Variants in HS6ST3 observed in about 807,000 individuals in gnomAD.
HS6ST3 encodes the protein heparan-sulfate 6-O-sulfotransferase 3.
In HS6ST3, 12 loss-of-function variants were observed where a neutral mutation model predicts 36.7. The ratio of observed to expected loss-of-function variants is 0.33; its 90% CI spans 0.21 to 0.53. The LOEUF (loss-of-function observed/expected upper bound fraction) is 0.53, where lower values mean the gene tolerates loss of function less well. Ranked by LOEUF, HS6ST3 falls within the 20% of genes least tolerant of loss-of-function variation. The pLI, the probability that HS6ST3 is intolerant of heterozygous loss-of-function variation, is 0.95. For synonymous variants in HS6ST3, 240 were observed against 257.5 expected (o/e 0.93, Z 0.65); for missense variants, 584 against 640.9 (o/e 0.91, Z 0.96).
At chr13:96,423,638 A>G (rs1420465179) in intron 1 of HS6ST3, among the ~76,000 whole-genome samples, 1 of 151,766 alleles carries the variant, frequency 6.6e-6, no homozygotes, top group Non-Finnish European at 1.5e-5. Flanking sequence ...CTGTGGAAGG[A>G]GCCCGCCCCA....
chr13:96,355,140 A>G (rs1372147887), intron 1 of HS6ST3, among the ~76,000 whole-genome samples: 1 of 152,170 alleles, frequency 6.6e-6, no homozygotes, highest in Non-Finnish European at 1.5e-5. Flanking sequence ...AATAAAAAGT[A>G]AAAGCATGAT....
chr13:96,654,646 G>A (rs886623610), intron 1 of HS6ST3, among the ~76,000 whole-genome samples: 31 of 152,122 alleles, frequency 2.0e-4, no homozygotes, highest in Admixed American at 6.6e-5. Context: ...GTAGCGTGAT[G>A]CCTCCAGCTT....
intron 1 of HS6ST3, among the ~76,000 whole-genome samples, chr13:96,624,243 G>C (rs577058796): frequency 3.3e-4 from 50 of 152,010 alleles, no homozygotes; most frequent in Middle Eastern, 6.8e-3. Context: ...AATACCAATA[G>C]CTTAAAAGCC....
intron 1 of HS6ST3, among the ~76,000 whole-genome samples, chr13:96,479,328 A>G (rs2055879490): frequency 6.6e-6 from 1 of 152,226 alleles, no homozygotes; most frequent in African/African-American, 2.4e-5. Flanking sequence ...CTAGGACTGA[A>G]GCATAGAGAG....
intron 1 of HS6ST3, among the ~76,000 whole-genome samples, chr13:96,101,376 A>G (rs9562025): frequency 0.4 from 60,425 of 151,838 alleles, 12,236 homozygotes; most frequent in Middle Eastern, 0.44. Flanking sequence ...TCATTGTGTC[A>G]TGTTTGAAAC....
intron 1 of HS6ST3, among the ~76,000 whole-genome samples, chr13:96,662,501 G>A (rs191481258): frequency 2.7e-5 from 3 of 112,720 alleles, no homozygotes; most frequent in African/African-American, 3.6e-5. Flanking sequence ...TCATGTTTGT[G>A]TGTGTGTGTA....
intron 1 of HS6ST3, among the ~76,000 whole-genome samples, chr13:96,413,291 C>A (rs1392989619): frequency 1.3e-5 from 2 of 151,974 alleles, no homozygotes; most frequent in African/African-American, 4.8e-5. Flanking sequence ...AGTAACAGTA[C>A]CTTGAACACT....
chr13:96,496,523 A>G (rs551597223), intron 1 of HS6ST3, among the ~76,000 whole-genome samples: 1 of 152,208 alleles, frequency 6.6e-6, no homozygotes, highest in South Asian at 2.1e-4. Flanking sequence ...ACTACCTGAG[A>G]CCACCATGTC....
At chr13:96,192,601 GATATAT>G (rs5805955) in intron 1 of HS6ST3, among the ~76,000 whole-genome samples, 1 of 147,658 alleles carries the variant, frequency 6.8e-6, no homozygotes. Context: ...CCATGGGATG[GATATAT>G]ATATATATAT....
intron 1 of HS6ST3, among the ~76,000 whole-genome samples, chr13:96,487,562 T>C (rs1200069852): frequency 6.6e-6 from 1 of 152,118 alleles, no homozygotes. Flanking sequence ...TAATCTCAGG[T>C]TCATAACTAA....
At chr13:96,691,317 T>C (rs960212544) in intron 1 of HS6ST3, among the ~76,000 whole-genome samples, 2 of 152,114 alleles carry the variant, frequency 1.3e-5, no homozygotes, top group African/African-American at 4.8e-5. Context: ...TTAGCTTCAA[T>C]ATGTCCCTAG....
intron 1 of HS6ST3, among the ~76,000 whole-genome samples, chr13:96,695,453 T>C (rs1439550890): frequency 6.6e-6 from 1 of 152,188 alleles, no homozygotes; most frequent in Non-Finnish European, 1.5e-5. Flanking sequence ...TTATTGTTTT[T>C]GTCTCGCTGT....
intron 1 of HS6ST3, among the ~76,000 whole-genome samples, chr13:96,104,438 A>G (rs2139296590): frequency 6.6e-6 from 1 of 152,260 alleles, no homozygotes; most frequent in African/African-American, 2.4e-5. Context: ...AAACCCTAAG[A>G]TTCACACTGT....
At chr13:96,391,972 CT>C (rs2055398092) in intron 1 of HS6ST3, among the ~76,000 whole-genome samples, 1 of 152,180 alleles carries the variant, frequency 6.6e-6, no homozygotes, top group Non-Finnish European at 1.5e-5. Flanking sequence ...ATGTCTGTAA[CT>C]GGCAAGATGT....
At chr13:96,139,539 C>CAAA (rs2054018846) in intron 1 of HS6ST3, among the ~76,000 whole-genome samples, 1 of 10,730 alleles carries the variant, frequency 9.3e-5, no homozygotes, top group African/African-American at 3.9e-4. Flanking sequence ...CTGTAAGATT[C>CAAA]AGAAAAAAAA....
intron 1 of HS6ST3, among the ~76,000 whole-genome samples, chr13:96,214,449 T>A (rs562364074): frequency 1.8e-4 from 27 of 152,340 alleles, no homozygotes; most frequent in Admixed American, 6.5e-4. Context: ...TCAATTCATC[T>A]CATTATAATT....
At chr13:96,284,305 CA>C (rs1219647748) in intron 1 of HS6ST3, among the ~76,000 whole-genome samples, 3 of 152,118 alleles carry the variant, frequency 2.0e-5, no homozygotes, top group Admixed American at 1.3e-4. Context: ...AGGCTGTCTG[CA>C]AGCTGAGGAG....
chr13:96,781,670 A>G (rs994536204), intron 1 of HS6ST3, among the ~76,000 whole-genome samples: 1 of 152,220 alleles, frequency 6.6e-6, no homozygotes, highest in African/African-American at 2.4e-5. Flanking sequence ...ATGAAAATAT[A>G]TCAATAATGA....
At chr13:96,361,357 T>A (rs1377810305) in intron 1 of HS6ST3, among the ~76,000 whole-genome samples, 1 of 152,210 alleles carries the variant, frequency 6.6e-6, no homozygotes, top group Non-Finnish European at 1.5e-5. Flanking sequence ...AATGACTTTC[T>A]TTATTTTATC....
Sources: gnomAD v4.1 joint callset for allele counts (sites outside exome capture counted in the v4.1 genomes callset) on GRCh38, gnomAD v4.1.1 for gene constraint, MANE v1.5 for transcripts, NCBI Gene and HGNC (gene_info 2026-07-23, HGNC 2026-07-21) for gene names.